The following ASB3 variants were observed in gnomAD, a reference collection of about 807,000 sequenced individuals.
The protein encoded by ASB3 is ankyrin repeat and SOCS box containing 3, also known as ankyrin repeat and SOCS box protein 3.
In ASB3, 41 loss-of-function variants were observed where a neutral mutation model predicts 54.5. That is an observed-to-expected ratio of 0.75 (90% CI 0.59 to 0.98). The LOEUF is 0.98. ASB3 is among the 50% of genes least tolerant of loss of function. The pLI, the probability that ASB3 is intolerant of heterozygous loss-of-function variation, is 0.00. For missense variants in ASB3, 733 were observed against 620.0 expected (o/e 1.18, Z -1.94); for synonymous variants, 266 against 221.2 (o/e 1.20, Z -1.80).
At chr2:53,694,045 G>C in intron 8 of ASB3, 31 bp from the exon 9 acceptor site, 1 of 1,606,402 alleles carries the variant, frequency 6.2e-7, no homozygotes, top group African/African-American at 1.3e-5. Flanking sequence ...TATAATATTA[G>C]AAACAAAACA....
chr2:53,675,738 A>G (rs1668050166), intron 9 of ASB3, among the ~76,000 whole-genome samples: 1 of 152,236 alleles, frequency 6.6e-6, no homozygotes, highest in South Asian at 2.1e-4. Flanking sequence ...AAGGGGAACT[A>G]TTTCCAAGTG....
Position 53,671,857 on chromosome 2 carries a change from C to T in ASB3, c.1370-1167G>A, listed in dbSNP as rs570534216. Reference sequence around the variant, plus strand: ...AATGTCTGCTTTTATGTGAATCGGACCAAAGCCTTTTGTTAATTCAAGAAA... The same window carrying T: ...AATGTCTGCTTTTATGTGAATCGGATCAAAGCCTTTTGTTAATTCAAGAAA... On this transcript the variant is annotated intron_variant, in intron 9 of 9. Transcript: ENST00000263634. 1.0e-4 allele frequency among the ~76,000 whole-genome samples: 12 copies of T among 116,122 alleles called. No individual in the cohort carries two copies. In the East Asian group the frequency reaches 2.3e-3, roughly 22 times the overall value. The allele number at this position is 116,122 out of a possible 152,430, so 76.2% of individuals were successfully genotyped here. A position where few individuals can be genotyped will look rare whatever the true frequency, so the allele number is the denominator to read the frequency against.
chr2:53,777,953 C>T (rs1044085673), intron 1 of ASB3, among the ~76,000 whole-genome samples: 7 of 151,974 alleles, frequency 4.6e-5, no homozygotes, highest in African/African-American at 1.7e-4. Context: ...TCGAGACCTG[C>T]CTGACCAATA....
intron 9 of ASB3, among the ~76,000 whole-genome samples, chr2:53,686,054 G>A (rs1668614576): frequency 1.3e-5 from 2 of 152,146 alleles, no homozygotes; most frequent in African/African-American, 4.8e-5. Context: ...CTTTACAATA[G>A]CCTTTTTAAA....
intron 8 of ASB3, among the ~76,000 whole-genome samples, chr2:53,698,659 CT>C (rs1202593122): frequency 6.6e-6 from 1 of 152,158 alleles, no homozygotes; most frequent in African/African-American, 2.4e-5. Context: ...CAAGGATGGC[CT>C]TTACTCCACT....
chr2:53,773,366 T>C (rs1296166414), intron 1 of ASB3, among the ~76,000 whole-genome samples: 2 of 150,688 alleles, frequency 1.3e-5, no homozygotes, highest in Non-Finnish European at 2.9e-5. Context: ...TTAAAGTGCT[T>C]ATTTCCTTTA....
chr2:53,781,746 C>T (rs1674662441), intron 1 of ASB3, among the ~76,000 whole-genome samples: 1 of 152,226 alleles, frequency 6.6e-6, no homozygotes, highest in Non-Finnish European at 1.5e-5. Context: ...CCGCCTGCCT[C>T]AGCCTCCCAA....
At chr2:53,697,363 T>C (rs895621188) in intron 8 of ASB3, among the ~76,000 whole-genome samples, 1 of 152,196 alleles carries the variant, frequency 6.6e-6, no homozygotes, top group Non-Finnish European at 1.5e-5. Flanking sequence ...TATAAGCAGC[T>C]CAGCAGCCTG....
intron 7 of ASB3, among the ~76,000 whole-genome samples, chr2:53,706,132 T>C (rs1186956288): frequency 3.3e-5 from 5 of 152,178 alleles, no homozygotes; most frequent in Non-Finnish European, 7.3e-5. Flanking sequence ...ATTTTAAAGA[T>C]AATGGAATGA....
chr2:53,707,056 T>C (rs144656428), intron 7 of ASB3, among the ~76,000 whole-genome samples: 93 of 152,286 alleles, frequency 6.1e-4, no homozygotes, highest in African/African-American at 2.2e-3. Flanking sequence ...GGTCTAAAAA[T>C]CAGCTGTAGG....
At chr2:53,707,413 C>T (rs184673064) in intron 7 of ASB3, among the ~76,000 whole-genome samples, 7 of 150,038 alleles carry the variant, frequency 4.7e-5, no homozygotes, top group South Asian at 2.1e-4. Context: ...GAGGCTGAGG[C>T]GGGCAGATCA....
At position 53,765,360 on chromosome 2, in the gene ASB3, C is replaced by A. The variant is rs903493483; in HGVS notation, c.196+17G>T. 2 of 1,613,840 alleles carry A rather than the reference C, an allele frequency of 1.2e-6. No individual in the cohort carries two copies. Among genetic ancestry groups the A allele is most frequent in the African/African-American group, 1.3e-5 (1 of 74,918 alleles). ...CCAGCTTGTAGGCAAAGCCTCCATA[C>A]CTTGAATTTACTTTACCTGCATTAA... On this transcript the variant is annotated intron_variant, in intron 2 of 9. Coordinates refer to ENST00000263634, the MANE Select transcript of ASB3 (RefSeq NM_016115.5).
chr2:53,768,940 C>A (rs6712204), intron 1 of ASB3, among the ~76,000 whole-genome samples: 25,746 of 152,150 alleles, frequency 0.17, 2,661 homozygotes, highest in African/African-American at 0.29. Flanking sequence ...GTAGTTTGCA[C>A]CTGCTCATAA....
chr2:53,692,384 A>G (rs1481734120), intron 9 of ASB3, among the ~76,000 whole-genome samples: 1 of 152,206 alleles, frequency 6.6e-6, no homozygotes, highest in African/African-American at 2.4e-5. Context: ...ATGAGACTGG[A>G]AACAAGAAAA....
chr2:53,706,505 G>A (rs1669779506), intron 7 of ASB3, among the ~76,000 whole-genome samples: 1 of 151,894 alleles, frequency 6.6e-6, no homozygotes, highest in Non-Finnish European at 1.5e-5. Context: ...GAGTGCAGTG[G>A]CGTGATCTTG....
intron 2 of ASB3, among the ~76,000 whole-genome samples, chr2:53,756,149 G>C (rs373425705): frequency 1.3e-4 from 20 of 152,016 alleles, no homozygotes; most frequent in African/African-American, 4.3e-4. Context: ...TTGAGCAACA[G>C]AGTAAGACCC....
intron 7 of ASB3, among the ~76,000 whole-genome samples, chr2:53,712,771 C>T (rs201026587): frequency 1.2e-4 from 18 of 151,016 alleles, no homozygotes; most frequent in East Asian, 3.9e-4. Flanking sequence ...CACACACAGG[C>T]GCGCGCGCGC....
At chr2:53,758,010 CAGAGAGAGAGA>C (rs955208996) in intron 2 of ASB3, among the ~76,000 whole-genome samples, 3 of 151,134 alleles carry the variant, frequency 2.0e-5, no homozygotes, top group African/African-American at 4.9e-5. Context: ...AGAGAAGAGA[CAGAGAGAGAGA>C]GAAAAGAGAG....
At chr2:53,728,916 G>GT in intron 4 of ASB3, 69 bp from the exon 5 acceptor site, 1 of 1,454,862 alleles carries the variant, frequency 6.9e-7, no homozygotes, top group South Asian at 1.5e-5. Flanking sequence ...TCTTCTTACT[G>GT]TGTTTTTTTT....
Sources: allele counts gnomAD v4.1 joint callset (sites outside exome capture counted in the v4.1 genomes callset), GRCh38; gene constraint gnomAD v4.1.1; transcripts MANE v1.5; gene names NCBI Gene and HGNC (gene_info 2026-07-23, HGNC 2026-07-21).